Variants in FCGR2A observed in about 807,000 individuals in gnomAD.
FCGR2A encodes the protein low affinity immunoglobulin gamma Fc region receptor II-a.
In FCGR2A, 18 loss-of-function variants were observed where a neutral mutation model predicts 29.3. That is an observed-to-expected ratio of 0.62 (90% CI 0.43 to 0.91). The LOEUF is 0.91. FCGR2A is among the 40% of genes least tolerant of loss of function. The pLI is 0.00. For synonymous variants in FCGR2A, 126 were observed against 144.8 expected (o/e 0.87, Z 0.93); for missense variants, 287 against 393.0 (o/e 0.73, Z 2.28).
Position 161,509,463 on chromosome 1 carries a change from CA to C in FCGR2A, c.365-356del, listed in dbSNP as rs1394091094. ...TTCCCAAAGCTTGTACAAAATTTAC[CA>C]TTAAATTAGTAATCCCCAGACCACA... On this transcript the variant is annotated intron_variant, in intron 3 of 6. Transcript: ENST00000271450. 2.0e-5 allele frequency among the ~76,000 whole-genome samples: 3 copies of C among 151,988 alleles called. No individual in the cohort carries two copies. The East Asian group carries it at 5.8e-4, about 29-fold the overall frequency.
At chr1:161,522,337 G>T (rs1236722220), downstream of FCGR2A, among the ~76,000 whole-genome samples, 3 of 152,136 alleles carry the variant, frequency 2.0e-5, no homozygotes, top group Admixed American at 1.3e-4. Flanking sequence ...ACTCTGAAGA[G>T]ATCAATTAAA....
chr1:161,519,921 G>A (rs1676386545), downstream of FCGR2A: 1 of 151,994 alleles, frequency 6.6e-6, no homozygotes, highest in Non-Finnish European at 1.5e-5. Flanking sequence ...GTTACCAGAA[G>A]GATGTGACCT....
rs139202723 is a variant in FCGR2A at position 161,509,942 on chromosome 1, C to A, written c.487C>A (p.Gln163Lys). Reference protein sequence around the residue: ...KVTFFQNGKSQKFSHLDPTFS... With the variant: ...KVTFFQNGKSKKFSHLDPTFS... ...CACATTCTTCCAGAATGGAAAATCCCAGAAATTCTCCCATTTGGATCCCAC... is the reference window on the plus strand; with the variant it reads ...CACATTCTTCCAGAATGGAAAATCCAAGAAATTCTCCCATTTGGATCCCAC... The change falls in exon 4 of 7, where the codon CAG becomes AAG. Residue 163 changes from glutamine (Q) to lysine (K), a missense_variant. Gln to Lys is a moderately conservative substitution (Grantham distance 53). Coordinates refer to ENST00000271450, the MANE Select transcript of FCGR2A (RefSeq NM_001136219.3). The A allele has an allele frequency of 1.1e-4, 177 of 1,614,008 alleles. No individual in the cohort carries two copies. The African/African-American group carries it at 1.9e-3, about 17-fold the overall frequency.
chr1:161,522,824 T>A (rs1224875623), downstream of FCGR2A: 1 of 152,146 alleles, frequency 6.6e-6, no homozygotes, highest in Non-Finnish European at 1.5e-5. Context: ...CAGCAAACTC[T>A]ACCAGCTGTC....
intron 2 of FCGR2A, 82 bp downstream of exon 2, chr1:161,506,089 G>C (rs879123260): frequency 7.0e-7 from 1 of 1,433,232 alleles, no homozygotes; most frequent in Non-Finnish European, 9.9e-7. Flanking sequence ...CGGCGGGGGG[G>C]TATGTCTATT....
At position 161,511,622 on chromosome 1, in the gene FCGR2A, A is replaced by G. The variant is rs537218549; in HGVS notation, c.742+666A>G. ...TTCCAGGTGGGAGCAGCCCCTGAGC[A>G]GGGGAACTGGGGGTGGGAGGACAGG... is the stretch of plus-strand genomic sequence containing the variant. On this transcript the variant is annotated intron_variant, in intron 5 of 6. Transcript: ENST00000271450. 1.5e-4 allele frequency among the ~76,000 whole-genome samples: 23 copies of G among 152,268 alleles called. 2 individuals carry two copies. Among genetic ancestry groups the G allele is most frequent in the African/African-American group, 5.5e-4 (23 of 41,552 alleles).
intron 3 of FCGR2A, 41 bp downstream of exon 3, chr1:161,506,632 G>A (rs1675426983): frequency 1.2e-6 from 2 of 1,611,560 alleles, no homozygotes; most frequent in Non-Finnish European, 1.7e-6. Context: ...GGGAGGGCCA[G>A]GACGGATGAA....
chr1:161,507,555 C>T (rs1675494613), intron 3 of FCGR2A, among the ~76,000 whole-genome samples: 1 of 152,204 alleles, frequency 6.6e-6, no homozygotes, highest in African/African-American at 2.4e-5. Context: ...TTAGATTCTC[C>T]TGTTCAACAC....
intron 3 of FCGR2A, among the ~76,000 whole-genome samples, chr1:161,507,955 G>A (rs1045750068): frequency 1.2e-4 from 18 of 151,792 alleles, no homozygotes; most frequent in African/African-American, 3.1e-4. Flanking sequence ...GCATGGTGGC[G>A]CTTGCCTGTA....
rs1676271073 is a variant in FCGR2A at position 161,518,357 on chromosome 1, C to T, written c.*209C>T. The T allele has an allele frequency of 1.1e-6, 1 of 929,688 alleles. No homozygotes were observed. Among genetic ancestry groups the T allele is most frequent in the African/African-American group, 1.7e-5 (1 of 59,448 alleles). 57.6% of individuals were successfully genotyped at this position (929,688 alleles called of 1,614,324 possible). The stretch of plus-strand genomic sequence containing the variant: ...ATACTACATACAAGCATAAGCAAAA[C>T]TTAACTTGGATCATTTCTGGTAAAT... On this transcript the variant is annotated 3_prime_UTR_variant, in exon 7 of 7. Coordinates refer to ENST00000271450, the MANE Select transcript of FCGR2A (RefSeq NM_001136219.3).
At chr1:161,507,187 T>C (rs1208305013) in intron 3 of FCGR2A, among the ~76,000 whole-genome samples, 1 of 152,194 alleles carries the variant, frequency 6.6e-6, no homozygotes, top group Non-Finnish European at 1.5e-5. Flanking sequence ...CAGTGTTCAG[T>C]TTAATAGAGT....
intron 2 of FCGR2A, 150 bp downstream of exon 2, chr1:161,506,157 G>C: frequency 8.0e-7 from 1 of 1,248,982 alleles, no homozygotes; most frequent in Non-Finnish European, 1.2e-6. Context: ...AGTGGGGTCT[G>C]GGATTTGCTT....
intron 5 of FCGR2A, 150 bp downstream of exon 5, chr1:161,511,106 C>A: frequency 7.7e-7 from 1 of 1,297,794 alleles, no homozygotes; most frequent in Non-Finnish European, 1.1e-6. Flanking sequence ...TTAGTTCATC[C>A]TCAACAAGAG....
At chr1:161,512,007 C>T (rs1194835734) in intron 5 of FCGR2A, among the ~76,000 whole-genome samples, 2 of 152,128 alleles carry the variant, frequency 1.3e-5, no homozygotes, top group South Asian at 2.1e-4. Context: ...TAAAGAGGAC[C>T]TCGCTGGAGA....
At position 161,519,495 on chromosome 1, in the gene FCGR2A, C is replaced by T. The variant is rs568944756; in HGVS notation, c.*1347C>T. 1.3e-5 allele frequency: 2 copies of T among 152,268 alleles called. No homozygotes were observed. Among genetic ancestry groups the T allele is most frequent in the African/African-American group, 2.4e-5 (1 of 41,464 alleles). The allele number at this position is 152,268 out of a possible 1,614,324, so 9.4% of individuals were successfully genotyped here. The stretch of plus-strand genomic sequence containing the variant: ...TAAAAGTGATTGTTTCAAGGTGATG[C>T]AATTATTGATGACCTATTTTATTTT... On this transcript the variant is annotated 3_prime_UTR_variant, in exon 7 of 7. Coordinates refer to ENST00000271450, the MANE Select transcript of FCGR2A (RefSeq NM_001136219.3).
chr1:161,506,057 T>C, intron 2 of FCGR2A, 50 bp downstream of exon 2: 1 of 1,585,138 alleles, frequency 6.3e-7, no homozygotes, highest in Middle Eastern at 1.7e-4. Flanking sequence ...ATCCTCATAA[T>C]ATGATGCTGT....
intron 4 of FCGR2A, 130 bp downstream of exon 4, chr1:161,510,204 G>C: frequency 6.7e-7 from 1 of 1,501,554 alleles, no homozygotes; most frequent in Non-Finnish European, 9.0e-7. Context: ...AAAGAGGAGT[G>C]GGGTGGAAGC....
intron 1 of FCGR2A, 127 bp from the exon 2 acceptor site, chr1:161,505,859 AC>A: frequency 1.1e-6 from 1 of 895,758 alleles, no homozygotes. Flanking sequence ...TCAACTGGAA[AC>A]AGGATCTTGA....
At chr1:161,511,967 T>C (rs1176896609) in intron 5 of FCGR2A, among the ~76,000 whole-genome samples, 1 of 152,090 alleles carries the variant, frequency 6.6e-6, no homozygotes, top group Non-Finnish European at 1.5e-5. Flanking sequence ...CTCAAATCGC[T>C]TGGTCAACTC....
Sources: allele counts gnomAD v4.1 joint callset (sites outside exome capture counted in the v4.1 genomes callset), GRCh38; gene constraint gnomAD v4.1.1; transcripts MANE v1.5; gene names NCBI Gene and HGNC (gene_info 2026-07-23, HGNC 2026-07-21).